Variants in QSOX1 observed in about 807,000 individuals in gnomAD.
QSOX1 encodes the protein quiescin sulfhydryl oxidase 1.
In QSOX1, 40 loss-of-function variants were observed where a neutral mutation model predicts 76.1. That is an observed-to-expected ratio of 0.53 (90% CI 0.41 to 0.68). The LOEUF is 0.68. Among genes scored for constraint, QSOX1 ranks in the 30% least tolerant of loss-of-function variants. The pLI is 0.00. For synonymous variants in QSOX1, 392 were observed against 413.1 expected, an observed-to-expected ratio of 0.95 and a Z score of 0.62; for missense variants, 931 against 974.3, an observed-to-expected ratio of 0.96 and a Z score of 0.59.
chr1:180,156,299 C>T (rs1399191340), intron 1 of QSOX1, among the ~76,000 whole-genome samples: 1 of 152,172 alleles, frequency 6.6e-6, no homozygotes. Context: ...TCCTGACTTG[C>T]TGCCTCTGAA....
chr1:180,155,048 G>A lies in QSOX1; in HGVS notation c.141G>A (p.Ala47=). 1 of 1,512,968 alleles carries A rather than the reference G, an allele frequency of 6.6e-7. No homozygotes were observed. The highest frequency in any genetic ancestry group is 8.8e-7 in the Non-Finnish European group (1 of 1,137,738). 93.7% of individuals were successfully genotyped at this position (1,512,968 alleles called of 1,614,324 possible). ...CCGACCCGCTGACGCTGCTGCAGGCGGACACGGTGCGCGGCGCGGTGCTGG... is the reference window on the plus strand; with the variant it reads ...CCGACCCGCTGACGCTGCTGCAGGCAGACACGGTGCGCGGCGCGGTGCTGG... ...SPSDPLTLLQ[A]DTVRGAVLGS... Residue 47 remains alanine, a synonymous_variant, in exon 1 of 12, where the codon GCG becomes GCA. Coordinates refer to ENST00000367602, the MANE Select transcript of QSOX1 (RefSeq NM_002826.5).
In QSOX1 at chr1:180,155,082, A is replaced by G. The variant is rs570322502; in HGVS notation, c.175A>G (p.Ser59Gly). The change falls in exon 1 of 12, where the codon AGC becomes GGC. Residue 59 changes from serine (S) to glycine (G), a missense_variant. Coordinates refer to ENST00000367602, the MANE Select transcript of QSOX1 (RefSeq NM_002826.5). ...TVRGAVLGSR[S>G]AWAVEFFASW... Reference sequence around the variant, plus strand: ...GCGCGGCGCGGTGCTGGGCTCCCGCAGCGCCTGGGCCGTGGAGTTCTTCGC... The same window carrying G: ...GCGCGGCGCGGTGCTGGGCTCCCGCGGCGCCTGGGCCGTGGAGTTCTTCGC... 5 of 1,520,468 alleles carry G rather than the reference A, an allele frequency of 3.3e-6. No homozygotes were observed. The African/African-American group carries it at 4.3e-5, about 13-fold the overall frequency. 94.2% of individuals were successfully genotyped at this position (1,520,468 alleles called of 1,614,324 possible).
At chr1:180,186,827 C>T (rs1453307080) in intron 8 of QSOX1, among the ~76,000 whole-genome samples, 2 of 152,250 alleles carry the variant, frequency 1.3e-5, no homozygotes, top group Non-Finnish European at 1.5e-5. Context: ...GTTCTGCCAG[C>T]CTGAAAGTGT....
At chr1:180,170,247 T>A (rs534241769) in intron 2 of QSOX1, among the ~76,000 whole-genome samples, 1 of 152,276 alleles carries the variant, frequency 6.6e-6, no homozygotes, top group Non-Finnish European at 1.5e-5. Flanking sequence ...GACTCCAGGA[T>A]GTCTCCTGTC....
intron 4 of QSOX1, among the ~76,000 whole-genome samples, chr1:180,176,306 G>C (rs554944810): frequency 7.9e-4 from 120 of 152,348 alleles, no homozygotes; most frequent in Middle Eastern, 3.4e-3. Flanking sequence ...AGGTGGGAAG[G>C]AAAAGATGGA....
chr1:180,172,780 A>G (rs1001665525), intron 2 of QSOX1, among the ~76,000 whole-genome samples: 1 of 152,186 alleles, frequency 6.6e-6, no homozygotes, highest in African/African-American at 2.4e-5. Flanking sequence ...CGGCCTCCCA[A>G]AGTGCTGGGA....
At chr1:180,183,241 G>A (rs1032208027) in intron 6 of QSOX1, among the ~76,000 whole-genome samples, 1 of 151,896 alleles carries the variant, frequency 6.6e-6, no homozygotes, top group East Asian at 1.9e-4. Flanking sequence ...CAGCTCCCCC[G>A]GGGCAGCCCT....
At position 180,184,031 on chromosome 1, in the gene QSOX1, GT is replaced by G; in HGVS notation, c.871del (p.Trp291GlyfsTer24). 10 of 1,614,180 alleles carry G rather than the reference GT, an allele frequency of 6.2e-6. No individual in the cohort carries two copies. Among genetic ancestry groups the G allele is most frequent in the Non-Finnish European group, 8.5e-6 (10 of 1,180,030 alleles). On this transcript the variant is annotated frameshift_variant, in exon 7 of 12. Transcript: ENST00000367602. LOFTEE classifies it high-confidence loss of function. Reference sequence around the variant, plus strand: ...CACTGCTAACAAGATAGCTCCCACTGTTTGGAAATTGGCAGATCGGTAAGGC... The same window carrying G: ...CACTGCTAACAAGATAGCTCCCACTGTTGGAAATTGGCAGATCGGTAAGGC... ...PTTANKIAPT[V>X]WKLADRSKIY...
rs776616830 is a variant in QSOX1 at position 180,186,103 on chromosome 1, G to A, written c.938G>A (p.Arg313Gln). ...DLESALHYIL[R>Q]IEVGRFPVLE... ...GAATCTGCACTGCACTACATCCTGC[G>A]GATAGAAGTGGGCAGGTTCCCGGTC... Residue 313 changes from arginine (R) to glutamine (Q), a missense_variant, in exon 8 of 12, where the codon CGG (arginine) becomes CAG (glutamine). Transcript: ENST00000367602. 72 of 1,614,038 alleles carry A rather than the reference G, an allele frequency of 4.5e-5. No individual in the cohort carries two copies. Among genetic ancestry groups the A allele is most frequent in the African/African-American group, 5.3e-5 (4 of 74,946 alleles).
chr1:180,175,561 G>A (rs1386733511), intron 3 of QSOX1, among the ~76,000 whole-genome samples, 195 bp downstream of exon 3: 2 of 152,208 alleles, frequency 1.3e-5, no homozygotes, highest in Non-Finnish European at 2.9e-5. Flanking sequence ...GGATGAAGAA[G>A]CCCTTCAGGT....
At chr1:180,187,398 A>G (rs887297593) in intron 8 of QSOX1, among the ~76,000 whole-genome samples, 1 of 152,148 alleles carries the variant, frequency 6.6e-6, no homozygotes, top group Non-Finnish European at 1.5e-5. Context: ...TAGAGGGGAA[A>G]AATCCAGAAC....
chr1:180,195,104 T>A lies in QSOX1; in HGVS notation c.1468+712T>A, dbSNP rs568864557. 3.3e-5 allele frequency among the ~76,000 whole-genome samples: 5 copies of A among 152,188 alleles called. No individual in the cohort carries two copies. In the East Asian group the frequency reaches 9.7e-4, roughly 30 times the overall value. ...GTCTCCTGGGGCCTCCTATCGAACT[T>A]TGAAAGGAAGACATGTGCCTGTCTT... On this transcript the variant is annotated intron_variant, in intron 11 of 11. Coordinates refer to ENST00000367602, the MANE Select transcript of QSOX1 (RefSeq NM_002826.5).
chr1:180,167,392 G>A (rs1049422676), intron 2 of QSOX1, among the ~76,000 whole-genome samples: 3 of 152,210 alleles, frequency 2.0e-5, no homozygotes, highest in South Asian at 4.1e-4. Flanking sequence ...TAGCCATTAA[G>A]GATTATTAGG....
At chr1:180,171,220 G>A (rs1405393782) in intron 2 of QSOX1, among the ~76,000 whole-genome samples, 2 of 152,182 alleles carry the variant, frequency 1.3e-5, no homozygotes, top group African/African-American at 2.4e-5. Flanking sequence ...CCAAAAATAC[G>A]TCATCATCTG....
chr1:180,179,978 A>G (rs941434612), intron 5 of QSOX1, among the ~76,000 whole-genome samples: 1 of 152,226 alleles, frequency 6.6e-6, no homozygotes, highest in Non-Finnish European at 1.5e-5. Context: ...CCCTCCCACC[A>G]CAGTCCTTGA....
rs184829079 is a variant in QSOX1, at chr1:180,160,454, C to G, written c.265+5282C>G. ...GACTCTATAAAAGGGACCACTAGTA[C>G]AGTTTGAACAACAGTTGTGTTAGGG... On this transcript the variant is annotated intron_variant, in intron 1 of 11. Transcript: ENST00000367602. 6.6e-5 allele frequency among the ~76,000 whole-genome samples: 10 copies of G among 151,824 alleles called. No homozygotes were observed. In the East Asian group the frequency reaches 1.7e-3, roughly 26 times the overall value.
Position 180,168,659 on chromosome 1 carries a change from T to C in QSOX1, c.366+2068T>C, listed in dbSNP as rs531089173. 5.9e-5 allele frequency among the ~76,000 whole-genome samples: 9 copies of C among 152,138 alleles called. No homozygotes were observed. In the South Asian group the frequency reaches 1.9e-3, roughly 32 times the overall value. ...TACTAAGTGCAGTTAAACTGTGATA[T>C]TTTCTGTTCTATTTTTTTTTTTAAA... On this transcript the variant is annotated intron_variant, in intron 2 of 11. Coordinates refer to ENST00000367602, the MANE Select transcript of QSOX1 (RefSeq NM_002826.5).
At position 180,197,188 on chromosome 1, in the gene QSOX1, G is replaced by C; in HGVS notation, c.*151G>C. The C allele has an allele frequency of 6.7e-7, 1 of 1,485,618 alleles. No individual in the cohort carries two copies. The highest frequency in any genetic ancestry group is 9.0e-7 in the Non-Finnish European group (1 of 1,114,132). The allele number at this position is 1,485,618 out of a possible 1,614,324, so 92.0% of individuals were successfully genotyped here. On this transcript the variant is annotated 3_prime_UTR_variant, in exon 12 of 12. Transcript: ENST00000367602. ...ACGAGTTGCTCCAGTGAAGCTTCTT[G>C]GGGTTGCTAGGACAGAGAGCTCCTT...
intron 4 of QSOX1, 38 bp from the exon 5 acceptor site, chr1:180,178,756 T>A (rs1312699026): frequency 6.3e-7 from 1 of 1,584,078 alleles, no homozygotes; most frequent in South Asian, 1.1e-5. Flanking sequence ...TTATTTCTGC[T>A]GGCTGTGCAG....
Sources: gnomAD v4.1 joint callset for allele counts (sites outside exome capture counted in the v4.1 genomes callset) on GRCh38, gnomAD v4.1.1 for gene constraint, MANE v1.5 for transcripts, NCBI Gene and HGNC (gene_info 2026-07-23, HGNC 2026-07-21) for gene names.